TMEM132B: variants seen among roughly 807,000 people sequenced by gnomAD.
The protein encoded by TMEM132B is transmembrane protein 132B.
TMEM132B carries 18 observed loss-of-function variants against 90.8 expected under a neutral mutation model. The ratio of observed to expected loss-of-function variants is 0.20; its 90% CI spans 0.14 to 0.29. The LOEUF (loss-of-function observed/expected upper bound fraction) is 0.29, where lower values mean the gene tolerates loss of function less well. TMEM132B is among the 10% of genes least tolerant of loss of function. The pLI is 1.00. For synonymous variants in TMEM132B, 504 were observed against 523.3 expected, an observed-to-expected ratio of 0.96 and a Z score of 0.50; for missense variants, 1,096 against 1,326.8, an observed-to-expected ratio of 0.83 and a Z score of 2.70.
chr12:125,240,953 G>C (rs1005251271), intron 1 of TMEM132B, among the ~76,000 whole-genome samples: 1 of 152,236 alleles, frequency 6.6e-6, no homozygotes, highest in Non-Finnish European at 1.5e-5. Context: ...ACGGGTGGGC[G>C]TGAAAGTCTC....
At chr12:125,413,814 GTATTTGTTT>G (rs1400666303) in intron 2 of TMEM132B, among the ~76,000 whole-genome samples, 1 of 152,194 alleles carries the variant, frequency 6.6e-6, no homozygotes, top group Non-Finnish European at 1.5e-5. Context: ...GAGTGTACAA[GTATTTGTTT>G]GAGTGCCTGT....
chr12:125,515,704 C>T (rs935486645), intron 3 of TMEM132B, among the ~76,000 whole-genome samples: 4 of 151,702 alleles, frequency 2.6e-5, no homozygotes, highest in South Asian at 2.1e-4. Context: ...CACACTCACA[C>T]AACACATTCA....
At chr12:125,547,381 C>T (rs895945964) in intron 4 of TMEM132B, among the ~76,000 whole-genome samples, 2 of 152,088 alleles carry the variant, frequency 1.3e-5, no homozygotes, top group African/African-American at 4.8e-5. Context: ...TTGTATTTCT[C>T]TGATGACTGA....
intron 6 of TMEM132B, among the ~76,000 whole-genome samples, chr12:125,647,085 C>A (rs552328408): frequency 6.6e-6 from 1 of 152,248 alleles, no homozygotes; most frequent in East Asian, 1.9e-4. Context: ...CCTCAATAGG[C>A]TCGGCAGTAC....
intron 1 of TMEM132B, chr12:125,326,628 T>C: frequency 1.2e-6 from 2 of 1,607,274 alleles, no homozygotes; most frequent in African/African-American, 1.3e-5. Flanking sequence ...CGGGAAATGT[T>C]TGGTGCAGCA....
intron 1 of TMEM132B, among the ~76,000 whole-genome samples, chr12:125,298,091 A>G (rs1875715350): frequency 6.6e-6 from 1 of 152,092 alleles, no homozygotes; most frequent in African/African-American, 2.4e-5. Flanking sequence ...CCCCATCTCT[A>G]CAAAAAAGTT....
intron 2 of TMEM132B, among the ~76,000 whole-genome samples, chr12:125,372,672 G>A (rs1360361031): frequency 4.5e-4 from 68 of 152,164 alleles, no homozygotes; most frequent in Admixed American, 4.5e-3. Context: ...AAGTAGAAAG[G>A]CAGCTGGGAG....
chr12:125,308,892 A>G (rs544835371), intron 1 of TMEM132B, among the ~76,000 whole-genome samples: 15 of 152,308 alleles, frequency 9.8e-5, no homozygotes, highest in African/African-American at 3.6e-4. Flanking sequence ...TTCCTTATAT[A>G]TGGAACCATG....
intron 1 of TMEM132B, among the ~76,000 whole-genome samples, chr12:125,268,579 A>G (rs1361912892): frequency 6.6e-6 from 1 of 152,242 alleles, no homozygotes; most frequent in East Asian, 1.9e-4. Flanking sequence ...TGCATATAGT[A>G]TGTGACTATG....
rs1381611190 is a variant in TMEM132B, at chr12:125,406,818, CAAA to C, written c.960-8712_960-8710del. Among the ~76,000 whole-genome samples, 2 of 152,116 alleles carry C rather than the reference CAAA, an allele frequency of 1.3e-5. No individual in the cohort carries two copies. Among genetic ancestry groups the C allele is most frequent in the Non-Finnish European group, 2.9e-5 (2 of 68,022 alleles). On this transcript the variant is annotated intron_variant, in intron 2 of 8. Transcript: ENST00000682704. This position sits in a 1 kb window ranked among gnomAD's most constrained non-coding sequence, Gnocchi z 8.3. ...GGTTCAGTAATTTTCTAGAAGGACT[CAAA>C]GAACTCAGAAACGCTGTTGTACTTA...
chr12:125,448,225 G>A (rs1881057032), intron 3 of TMEM132B, among the ~76,000 whole-genome samples: 1 of 151,878 alleles, frequency 6.6e-6, no homozygotes, highest in Non-Finnish European at 1.5e-5. Flanking sequence ...CTCCAGCCTG[G>A]GCAACAAGAG....
Position 125,426,925 on chromosome 12 carries a change from G to A in TMEM132B, c.1106+11248G>A, listed in dbSNP as rs190950323. ...TTTGATGGAACAAAGAGAACACAAT[G>A]GGTTCCGTATGGAGAGAATCTAAAA... On this transcript the variant is annotated intron_variant, in intron 3 of 8. Coordinates refer to ENST00000682704, the MANE Select transcript of TMEM132B (RefSeq NM_001366854.1). 1.1e-3 allele frequency among the ~76,000 whole-genome samples: 161 copies of A among 152,344 alleles called. 1 individual carries two copies. The highest frequency in any genetic ancestry group is 3.6e-3 in the African/African-American group (149 of 41,572).
At chr12:125,373,837 C>T (rs532531089) in intron 2 of TMEM132B, among the ~76,000 whole-genome samples, 16 of 152,332 alleles carry the variant, frequency 1.1e-4, no homozygotes, top group Non-Finnish European at 2.2e-4. Flanking sequence ...CTCTGTCTCC[C>T]AGGCAGGAGT....
At chr12:125,234,500 A>G (rs1270755601) in intron 1 of TMEM132B, among the ~76,000 whole-genome samples, 1 of 152,186 alleles carries the variant, frequency 6.6e-6, no homozygotes, top group Non-Finnish European at 1.5e-5. Flanking sequence ...GAAGCCTGTT[A>G]GAAATGTACA....
chr12:125,412,592 C>T (rs751775706), intron 2 of TMEM132B, among the ~76,000 whole-genome samples: 1 of 152,120 alleles, frequency 6.6e-6, no homozygotes, highest in Admixed American at 6.5e-5. Flanking sequence ...CTGATTTGTT[C>T]ATCTGGATGT....
At chr12:125,634,117 T>G (rs1886427388) in intron 5 of TMEM132B, among the ~76,000 whole-genome samples, 1 of 152,196 alleles carries the variant, frequency 6.6e-6, no homozygotes, top group Non-Finnish European at 1.5e-5. Context: ...TATTGCATTG[T>G]AGCTAAGATG....
At chr12:125,326,471 A>C in intron 1 of TMEM132B, 1 of 828,578 alleles carries the variant, frequency 1.2e-6, no homozygotes, top group Non-Finnish European at 2.0e-6. Context: ...AAAATGGAGC[A>C]CATGAGCTCT....
chr12:125,446,164 AT>A (rs1258309257), intron 3 of TMEM132B, among the ~76,000 whole-genome samples: 1 of 151,580 alleles, frequency 6.6e-6, no homozygotes, highest in Non-Finnish European at 1.5e-5. Flanking sequence ...TTTGTTTTAA[AT>A]TTTTTTTTCT....
At chr12:125,606,219 CA>C (rs1282768840) in intron 5 of TMEM132B, among the ~76,000 whole-genome samples, 1 of 151,418 alleles carries the variant, frequency 6.6e-6, no homozygotes, top group Non-Finnish European at 1.5e-5. Flanking sequence ...CATGACTCTC[CA>C]TGAGTTAAAA....
Sources: allele counts gnomAD v4.1 joint callset (sites outside exome capture counted in the v4.1 genomes callset), GRCh38; gene constraint gnomAD v4.1.1; non-coding constraint Gnocchi (gnomAD v3.1); transcripts MANE v1.5; gene names NCBI Gene and HGNC (gene_info 2026-07-23, HGNC 2026-07-21).